FSTL4: variants seen among roughly 807,000 people sequenced by gnomAD.
The protein encoded by FSTL4 is follistatin like 4.
Under a neutral mutation model 78.2 loss-of-function variants are expected in FSTL4, and 28 were observed. The observed-to-expected ratio is 0.36, with a 90% CI of 0.27 to 0.49. The LOEUF is 0.49. Ranked by LOEUF, FSTL4 falls within the 20% of genes least tolerant of loss-of-function variation. The pLI is 0.98. For missense variants in FSTL4, 922 were observed against 1,084.9 expected, an observed-to-expected ratio of 0.85 and a Z score of 2.11; for synonymous variants, 422 against 440.5, an observed-to-expected ratio of 0.96 and a Z score of 0.53.
In FSTL4 at chr5:133,583,293, G is replaced by A. The variant is rs909316345; in HGVS notation, c.127-16074C>T. On this transcript the variant is annotated intron_variant, in intron 2 of 15. Coordinates refer to ENST00000265342, the MANE Select transcript of FSTL4 (RefSeq NM_015082.2). ...CTCCTTAAGATCAAGGCCCCAGGAG[G>A]AGCCAAGATGGCCGAATAGGAACAG... 5 of 270,772 alleles carry A rather than the reference G, an allele frequency of 1.8e-5. 1 individual carries two copies. The highest frequency in any genetic ancestry group is 1.1e-4 in the African/African-American group (4 of 35,832). 16.8% of individuals were successfully genotyped at this position (270,772 alleles called of 1,614,324 possible).
intron 6 of FSTL4, among the ~76,000 whole-genome samples, chr5:133,295,815 T>G (rs947216887): frequency 2.0e-5 from 3 of 152,164 alleles, no homozygotes; most frequent in Non-Finnish European, 4.4e-5. Context: ...CCTCTCATTC[T>G]CTTTTGGGGC....
At chr5:133,615,616 C>G (rs1417068680), upstream of FSTL4, among the ~76,000 whole-genome samples, 2 of 152,210 alleles carry the variant, frequency 1.3e-5, no homozygotes, top group Non-Finnish European at 2.9e-5. Flanking sequence ...CTGATCTAAA[C>G]AGAGCTATGA....
the FSTL4 span, among the ~76,000 whole-genome samples, chr5:133,736,348 T>C: frequency 6.6e-6 from 1 of 152,164 alleles, no homozygotes; most frequent in Non-Finnish European, 1.5e-5. Context: ...CCCACTCCCA[T>C]GGATACCTCT....
At chr5:133,664,386 G>A in the FSTL4 span, among the ~76,000 whole-genome samples, 2 of 152,074 alleles carry the variant, frequency 1.3e-5, no homozygotes, top group South Asian at 2.1e-4. Context: ...GTCCCAAAAC[G>A]AATCTCACCC....
chr5:133,618,079 A>G, the FSTL4 span, among the ~76,000 whole-genome samples: 2 of 152,190 alleles, frequency 1.3e-5, no homozygotes, highest in Non-Finnish European at 2.9e-5. Context: ...CATGGATAGT[A>G]CTGCACCTGT....
intron 3 of FSTL4, among the ~76,000 whole-genome samples, chr5:133,548,026 G>A (rs1759618386): frequency 6.6e-6 from 1 of 152,172 alleles, no homozygotes; most frequent in African/African-American, 2.4e-5. Flanking sequence ...TGATGTGCCA[G>A]GAGAACAATG....
At chr5:133,589,682 C>T (rs976457768) in intron 2 of FSTL4, among the ~76,000 whole-genome samples, 3 of 152,106 alleles carry the variant, frequency 2.0e-5, no homozygotes, top group African/African-American at 7.2e-5. Context: ...ACTCTGCTGC[C>T]CTCCAGGAGG....
chr5:133,695,764 A>AGGG, the FSTL4 span, among the ~76,000 whole-genome samples: 1 of 152,170 alleles, frequency 6.6e-6, no homozygotes. Context: ...GACCAAAGGC[A>AGGG]ACCCCCTCCC....
At chr5:133,717,236 TG>T in the FSTL4 span, among the ~76,000 whole-genome samples, 23 of 152,342 alleles carry the variant, frequency 1.5e-4, no homozygotes, top group African/African-American at 5.3e-4. Context: ...ATCCATATGA[TG>T]GAATACTATG....
the FSTL4 span, among the ~76,000 whole-genome samples, chr5:133,697,402 C>G: frequency 6.6e-6 from 1 of 152,212 alleles, no homozygotes; most frequent in Non-Finnish European, 1.5e-5. Flanking sequence ...CAGGTTCCTC[C>G]CCCTGCCCCA....
At chr5:133,304,537 T>G (rs1753615378) in intron 6 of FSTL4, among the ~76,000 whole-genome samples, 1 of 152,234 alleles carries the variant, frequency 6.6e-6, no homozygotes, top group Non-Finnish European at 1.5e-5. Flanking sequence ...TAATAGATTT[T>G]CAATAACAAC....
the FSTL4 span, among the ~76,000 whole-genome samples, chr5:133,696,363 G>A: frequency 1.9e-4 from 29 of 152,198 alleles, no homozygotes; most frequent in African/African-American, 7.0e-4. Context: ...CTGGGCATCC[G>A]CCCCATCCAC....
chr5:133,433,284 C>A (rs1756976430), intron 3 of FSTL4, among the ~76,000 whole-genome samples: 1 of 152,184 alleles, frequency 6.6e-6, no homozygotes, highest in African/African-American at 2.4e-5. Flanking sequence ...ATCCATTCCA[C>A]CTGCCTGTCC....
chr5:133,312,407 T>A, intron 6 of FSTL4: 1 of 530,822 alleles, frequency 1.9e-6, no homozygotes, highest in Non-Finnish European at 3.4e-6. Context: ...ATTACAGTCC[T>A]GGGCCCCTCA....
In FSTL4 at chr5:133,279,590, C is replaced by T. The variant is rs764753974; in HGVS notation, c.728-30014G>A. On this transcript the variant is annotated intron_variant, in intron 6 of 15. Transcript: ENST00000265342. ...GGATGGTCCAAGGGGAATGTGAGCA[C>T]GGGGAGGGTGGAAGCCACAGGATCG... is the stretch of plus-strand genomic sequence containing the variant. Among the ~76,000 whole-genome samples the T allele has an allele frequency of 4.1e-4, 62 of 152,010 alleles. 1 individual carries two copies. The highest frequency in any genetic ancestry group is 5.1e-4 in the African/African-American group (21 of 41,388).
intron 3 of FSTL4, among the ~76,000 whole-genome samples, chr5:133,457,407 T>A (rs2127015645): frequency 6.6e-6 from 1 of 152,318 alleles, no homozygotes; most frequent in Admixed American, 6.5e-5. Flanking sequence ...CACAGGTGGG[T>A]GGTACCTGGT....
At chr5:133,362,646 T>C (rs1755097177) in intron 4 of FSTL4, among the ~76,000 whole-genome samples, 2 of 152,260 alleles carry the variant, frequency 1.3e-5, no homozygotes, top group Non-Finnish European at 2.9e-5. Flanking sequence ...CCTGTGCACA[T>C]GGGAAGGCAG....
the FSTL4 span, among the ~76,000 whole-genome samples, chr5:133,752,338 C>T: frequency 5.3e-5 from 8 of 152,286 alleles, no homozygotes; most frequent in South Asian, 2.1e-4. Flanking sequence ...GCAAAGGCAA[C>T]GGGCACTATG....
the FSTL4 span, among the ~76,000 whole-genome samples, chr5:133,669,145 T>C: frequency 6.6e-6 from 1 of 152,190 alleles, no homozygotes; most frequent in Non-Finnish European, 1.5e-5. Context: ...AAATCACTTC[T>C]TCAACAGCCT....
Sources: allele counts gnomAD v4.1 joint callset (sites outside exome capture counted in the v4.1 genomes callset), GRCh38; gene constraint gnomAD v4.1.1; transcripts MANE v1.5; gene names NCBI Gene and HGNC (gene_info 2026-07-23, HGNC 2026-07-21).